Variants in CIBAR1 observed in about 807,000 individuals in gnomAD.
The protein encoded by CIBAR1 is CBY1-interacting BAR domain-containing protein 1.
A neutral mutation model predicts 44.0 loss-of-function variants in CIBAR1; 25 were observed. That is an observed-to-expected ratio of 0.57 (90% CI 0.41 to 0.79). CIBAR1 has a LOEUF of 0.79. Among genes scored for constraint, CIBAR1 ranks in the 30% least tolerant of loss-of-function variants. CIBAR1 has a pLI of 0.00. For synonymous variants in CIBAR1, 115 were observed against 119.0 expected, an observed-to-expected ratio of 0.97 and a Z score of 0.22; for missense variants, 278 against 344.8, an observed-to-expected ratio of 0.81 and a Z score of 1.53.
intron 7 of CIBAR1, among the ~76,000 whole-genome samples, chr8:93,723,144 C>T (rs936025335): frequency 6.6e-6 from 1 of 152,144 alleles, no homozygotes; most frequent in Non-Finnish European, 1.5e-5. Context: ...CTACAGGCAC[C>T]CGCCACCTCG....
chr8:93,701,847 G>A (rs1810371887), intron 2 of CIBAR1: 2 of 221,266 alleles, frequency 9.0e-6, no homozygotes, highest in African/African-American at 4.6e-5. Context: ...TGGTAATGTG[G>A]ATGGATAAAT....
At chr8:93,705,068 ATG>A (rs760411954) in intron 4 of CIBAR1, 58 bp downstream of exon 4, 1 of 1,091,698 alleles carries the variant, frequency 9.2e-7, no homozygotes, top group South Asian at 1.3e-5. Flanking sequence ...ACAAAAGTAA[ATG>A]TATATAGAAA....
At chr8:93,700,811 G>C (rs2130260488) in intron 1 of CIBAR1, 138 bp downstream of exon 1, 1 of 1,335,912 alleles carries the variant, frequency 7.5e-7, no homozygotes, top group South Asian at 2.2e-5. Context: ...GCTGTGACCT[G>C]GGGCCTAATT....
At chr8:93,708,591 T>C (rs1586264924) in intron 5 of CIBAR1, among the ~76,000 whole-genome samples, 1 of 152,346 alleles carries the variant, frequency 6.6e-6, no homozygotes, top group Non-Finnish European at 1.5e-5. Context: ...TGCCATCTAA[T>C]TTTAGTTACT....
intron 5 of CIBAR1, among the ~76,000 whole-genome samples, chr8:93,709,080 A>G (rs1159200506): frequency 1.3e-5 from 2 of 152,124 alleles, no homozygotes; most frequent in African/African-American, 2.4e-5. Context: ...GGAATTCAAG[A>G]CCAGCCTGGC....
At chr8:93,725,958 G>T in intron 7 of CIBAR1, 1 of 157,510 alleles carries the variant, frequency 6.3e-6, no homozygotes, top group South Asian at 1.9e-4. Context: ...AGTAAGGTTG[G>T]AATCCATAAA....
chr8:93,724,472 G>A (rs914522605), intron 7 of CIBAR1: 13 of 514,340 alleles, frequency 2.5e-5, no homozygotes, highest in South Asian at 1.2e-4. Context: ...TTATAGGCAC[G>A]TCCCACTATG....
At chr8:93,702,522 C>A in intron 2 of CIBAR1, 2 of 455,104 alleles carry the variant, frequency 4.4e-6, no homozygotes, top group Non-Finnish European at 8.8e-6. Context: ...TGGTGGAGGT[C>A]CTAATGAACA....
At chr8:93,701,529 C>T in intron 2 of CIBAR1, 71 bp downstream of exon 2, 2 of 1,340,922 alleles carry the variant, frequency 1.5e-6, no homozygotes, top group East Asian at 4.9e-5. Context: ...ACCGTGGAAA[C>T]TTTCACTTGT....
intron 6 of CIBAR1, among the ~76,000 whole-genome samples, chr8:93,713,482 A>T (rs923359234): frequency 2.0e-5 from 3 of 152,186 alleles, no homozygotes; most frequent in African/African-American, 7.2e-5. Context: ...TTTGAAGCAC[A>T]GGTTTTTAAT....
chr8:93,724,781 TTAG>T (rs1811409827), intron 7 of CIBAR1, among the ~76,000 whole-genome samples: 1 of 152,232 alleles, frequency 6.6e-6, no homozygotes, highest in South Asian at 2.1e-4. Flanking sequence ...TTTCAAGTGC[TTAG>T]TAGCCACACA....
intron 7 of CIBAR1, 44 bp downstream of exon 7, chr8:93,718,832 A>T (rs779522516): frequency 1.5e-5 from 18 of 1,174,210 alleles, no homozygotes; most frequent in Non-Finnish European, 2.0e-5. Flanking sequence ...GTTAATGTGG[A>T]AATATTTAAA....
At chr8:93,716,361 T>G (rs1324229885) in intron 6 of CIBAR1, among the ~76,000 whole-genome samples, 1 of 151,978 alleles carries the variant, frequency 6.6e-6, no homozygotes, top group Non-Finnish European at 1.5e-5. Context: ...GTTGTTTTTT[T>G]TTTTTAATAT....
At chr8:93,710,574 C>T (rs1810783382) in intron 6 of CIBAR1, among the ~76,000 whole-genome samples, 1 of 152,080 alleles carries the variant, frequency 6.6e-6, no homozygotes, top group Non-Finnish European at 1.5e-5. Flanking sequence ...TGGCTCACAC[C>T]TGTAATCCCA....
chr8:93,714,002 G>T (rs1020684017), intron 6 of CIBAR1, among the ~76,000 whole-genome samples: 3 of 152,166 alleles, frequency 2.0e-5, no homozygotes, highest in African/African-American at 7.2e-5. Flanking sequence ...TTTCTACAAA[G>T]AAGTCAGTTC....
intron 4 of CIBAR1, chr8:93,706,064 G>T (rs1478007455): frequency 1.3e-5 from 2 of 152,210 alleles, no homozygotes; most frequent in Non-Finnish European, 2.9e-5. Flanking sequence ...GCCCAGCTCA[G>T]CCAGAAACCA....
intron 3 of CIBAR1, 24 bp downstream of exon 3, chr8:93,703,712 TA>T: frequency 6.6e-7 from 1 of 1,523,830 alleles, no homozygotes; most frequent in Non-Finnish European, 8.8e-7. Context: ...TTTTCTCACT[TA>T]ACTGTGAGTT....
Position 93,705,139 on chromosome 8 carries a change from G to A in CIBAR1, c.432+129G>A, listed in dbSNP as rs569551757. The A allele has an allele frequency of 2.0e-4, 126 of 624,470 alleles. No individual in the cohort carries two copies. In the African/African-American group the frequency reaches 2.2e-3, roughly 11 times the overall value. 38.7% of individuals were successfully genotyped at this position (624,470 alleles called of 1,614,324 possible). ...TTGAATATAAAGATTGAAAAGAAAT[G>A]CATTTAGGAATTCTCACTATAGAAA... On this transcript the variant is annotated intron_variant, in intron 4 of 8. Coordinates refer to ENST00000518322, the MANE Select transcript of CIBAR1 (RefSeq NM_145269.5).
intron 6 of CIBAR1, among the ~76,000 whole-genome samples, chr8:93,718,389 T>C (rs1204293939): frequency 6.6e-6 from 1 of 152,160 alleles, no homozygotes; most frequent in Non-Finnish European, 1.5e-5. Flanking sequence ...AGTCAGATCT[T>C]ATGTTATTAT....
Sources: gnomAD v4.1 joint callset for allele counts (sites outside exome capture counted in the v4.1 genomes callset) on GRCh38, gnomAD v4.1.1 for gene constraint, MANE v1.5 for transcripts, NCBI Gene and HGNC (gene_info 2026-07-23, HGNC 2026-07-21) for gene names.